Variants in RHBDL2 observed in about 807,000 individuals in gnomAD.
RHBDL2 encodes rhomboid-related protein 2.
In RHBDL2, 26 loss-of-function variants were observed where a neutral mutation model predicts 31.7. That is an observed-to-expected ratio of 0.82 (90% CI 0.60 to 1.14). The LOEUF (loss-of-function observed/expected upper bound fraction) is 1.14, where lower values mean the gene tolerates loss of function less well. RHBDL2 is among the 50% of genes most tolerant of loss of function. The pLI, the probability that RHBDL2 is intolerant of heterozygous loss-of-function variation, is 0.00. For synonymous variants in RHBDL2, 123 were observed against 127.2 expected (o/e 0.97, Z 0.22); for missense variants, 336 against 364.4 (o/e 0.92, Z 0.63).
At chr1:38,915,013 A>C (rs1643212709) in intron 3 of RHBDL2, among the ~76,000 whole-genome samples, 8 of 149,110 alleles carry the variant, frequency 5.4e-5, no homozygotes, top group Admixed American at 4.7e-4. Flanking sequence ...TGGTGACAAG[A>C]GCGAGACTCC....
chr1:38,920,359 G>T (rs1643295972), intron 1 of RHBDL2, among the ~76,000 whole-genome samples: 1 of 151,328 alleles, frequency 6.6e-6, no homozygotes, highest in African/African-American at 2.4e-5. Context: ...GTAGAGACAG[G>T]GTTTCACCAT....
At chr1:38,916,523 T>C (rs554253668) in intron 2 of RHBDL2, among the ~76,000 whole-genome samples, 25 of 152,250 alleles carry the variant, frequency 1.6e-4, no homozygotes, top group Admixed American at 3.3e-4. Flanking sequence ...GTTAGGAATA[T>C]GCCAATGTCA....
At chr1:38,903,409 G>A (rs1182492486) in intron 4 of RHBDL2, among the ~76,000 whole-genome samples, 1 of 151,944 alleles carries the variant, frequency 6.6e-6, no homozygotes, top group Non-Finnish European at 1.5e-5. Flanking sequence ...CAAAGTGCTG[G>A]GATTACAGGC....
At chr1:38,901,609 G>A (rs1228766868) in intron 4 of RHBDL2, among the ~76,000 whole-genome samples, 10 of 151,944 alleles carry the variant, frequency 6.6e-5, no homozygotes, top group African/African-American at 2.2e-4. Context: ...GCCGAGGCCA[G>A]TGGATCACCT....
chr1:38,928,340 C>T (rs551989385), intron 1 of RHBDL2, among the ~76,000 whole-genome samples: 12 of 152,072 alleles, frequency 7.9e-5, no homozygotes, highest in Admixed American at 3.9e-4. Context: ...GACGGGGTTT[C>T]ACCGTATTAG....
At chr1:38,929,638 T>C (rs1643419088) in intron 1 of RHBDL2, 1 of 1,224,184 alleles carries the variant, frequency 8.2e-7, no homozygotes, top group African/African-American at 1.6e-5. Flanking sequence ...CTCAGGAGGC[T>C]GGGCAGCGGG....
Position 38,915,588 on chromosome 1 carries a change from A to G in RHBDL2, c.369T>C (p.Phe123=), listed in dbSNP as rs1643221905. The part of the protein sequence containing the change: ...SPEKREEAWR[F]ISYMLVHAGV... ...CAGCATGTACCAGCATGTATGAGAT[A>G]AACCTCCAGGCTTCCTCCCTCTTCT... Residue 123 remains phenylalanine (F), a synonymous_variant, in exon 3 of 8, where the codon TTT becomes TTC. Coordinates refer to ENST00000372990, the MANE Select transcript of RHBDL2 (RefSeq NM_017821.5). The G allele has an allele frequency of 6.2e-7, 1 of 1,614,080 alleles. No individual in the cohort carries two copies. Among genetic ancestry groups the G allele is most frequent in the African/African-American group, 1.3e-5 (1 of 74,938 alleles).
intron 1 of RHBDL2, among the ~76,000 whole-genome samples, chr1:38,927,330 G>A (rs1182387607): frequency 6.6e-6 from 1 of 152,160 alleles, no homozygotes; most frequent in Non-Finnish European, 1.5e-5. Flanking sequence ...GGGAGGCTGA[G>A]GCAGGAGAAC....
intron 4 of RHBDL2, among the ~76,000 whole-genome samples, chr1:38,903,197 T>C (rs1570920053): frequency 6.6e-6 from 1 of 151,948 alleles, no homozygotes; most frequent in East Asian, 1.9e-4. Context: ...TGGAGTGCAA[T>C]GGCGCGATCT....
chr1:38,891,247 C>A (rs1467960885), intron 6 of RHBDL2, among the ~76,000 whole-genome samples: 1 of 115,672 alleles, frequency 8.6e-6, no homozygotes, highest in East Asian at 2.4e-4. Context: ...GGCAACAGAG[C>A]GAGACTCCGT....
intron 2 of RHBDL2, among the ~76,000 whole-genome samples, chr1:38,916,253 G>C (rs367647092): frequency 6.6e-6 from 1 of 152,186 alleles, no homozygotes; most frequent in Admixed American, 6.5e-5. Flanking sequence ...CTTCACCTCC[G>C]TGGTATTCTT....
Position 38,923,099 on chromosome 1 carries a change from GA to G in RHBDL2, c.-125-3763del, listed in dbSNP as rs1011021379. ...GAGTGAAACTCCATCTCAAAAAAAA[GA>G]AAAAAAAAAGGCTGAGAATATCCCA... On this transcript the variant is annotated intron_variant, in intron 1 of 7. Coordinates refer to ENST00000372990, the MANE Select transcript of RHBDL2 (RefSeq NM_017821.5). Among the ~76,000 whole-genome samples, 8 of 147,076 alleles carry G rather than the reference GA, an allele frequency of 5.4e-5. No homozygotes were observed. In the East Asian group the frequency reaches 6.0e-4, roughly 11 times the overall value.
chr1:38,933,023 C>T (rs1643455143), intron 1 of RHBDL2, among the ~76,000 whole-genome samples: 1 of 152,186 alleles, frequency 6.6e-6, no homozygotes, highest in African/African-American at 2.4e-5. Context: ...AGTGTATTAA[C>T]TCTCGGCTTA....
intron 4 of RHBDL2, among the ~76,000 whole-genome samples, chr1:38,910,720 A>C (rs1643126943): frequency 6.6e-6 from 1 of 150,844 alleles, no homozygotes; most frequent in East Asian, 1.9e-4. Context: ...GTACCTGTAC[A>C]CCAAACTACT....
chr1:38,933,688 G>A (rs905046984), intron 1 of RHBDL2, among the ~76,000 whole-genome samples: 2 of 151,458 alleles, frequency 1.3e-5, no homozygotes, highest in Non-Finnish European at 2.9e-5. Context: ...CACATGGCCG[G>A]CGATGTTTAT....
intron 3 of RHBDL2, among the ~76,000 whole-genome samples, chr1:38,912,910 A>ATATATATGTGTGTGTGTGTGTGTG (rs1399583863): frequency 9.7e-5 from 4 of 41,374 alleles, no homozygotes; most frequent in African/African-American, 3.7e-4. Flanking sequence ...ATATATATAT[A>ATATATATGTGTGTGTGTGTGTGTG]TGTGTGTGTG....
At chr1:38,888,247 C>T (rs1277925648) in intron 6 of RHBDL2, among the ~76,000 whole-genome samples, 1 of 151,950 alleles carries the variant, frequency 6.6e-6, no homozygotes, top group Non-Finnish European at 1.5e-5. Flanking sequence ...ATCCAACAAG[C>T]ATTCATTGTC....
intron 1 of RHBDL2, among the ~76,000 whole-genome samples, chr1:38,934,415 G>A (rs1007947662): frequency 1.3e-5 from 2 of 152,028 alleles, no homozygotes; most frequent in African/African-American, 4.8e-5. Flanking sequence ...CCAGCACTTT[G>A]GGAGGACGAA....
chr1:38,888,860 A>G (rs1315241996), intron 6 of RHBDL2, among the ~76,000 whole-genome samples: 2 of 152,128 alleles, frequency 1.3e-5, no homozygotes, highest in African/African-American at 2.4e-5. Flanking sequence ...TCCTACTTCC[A>G]TGGCTGTGTT....
Sources: gnomAD v4.1 joint callset for allele counts (sites outside exome capture counted in the v4.1 genomes callset) on GRCh38, gnomAD v4.1.1 for gene constraint, MANE v1.5 for transcripts, NCBI Gene and HGNC (gene_info 2026-07-23, HGNC 2026-07-21) for gene names.